CSMD1: variants seen among roughly 807,000 people sequenced by gnomAD.
The protein encoded by CSMD1 is CUB and Sushi multiple domains 1.
CSMD1 carries 213 observed loss-of-function variants against 417.5 expected under a neutral mutation model. The ratio of observed to expected loss-of-function variants is 0.51; its 90% CI spans 0.46 to 0.57. The LOEUF (loss-of-function observed/expected upper bound fraction) is 0.57. CSMD1 is among the 20% of genes least tolerant of loss of function. The pLI is 0.00. For synonymous variants in CSMD1, 2,862 were observed against 1,736.8 expected (o/e 1.65, Z -16.11); for missense variants, 6,923 against 4,529.7 (o/e 1.53, Z -15.17).
At chr8:3,584,003 G>C (rs1055714364) in intron 9 of CSMD1, among the ~76,000 whole-genome samples, 1 of 151,896 alleles carries the variant, frequency 6.6e-6, no homozygotes, top group African/African-American at 2.4e-5. Flanking sequence ...GTCAACACTA[G>C]TAAAACCCAT....
chr8:3,230,972 C>T (rs146463690), intron 26 of CSMD1, among the ~76,000 whole-genome samples: 1 of 152,126 alleles, frequency 6.6e-6, no homozygotes, highest in South Asian at 2.1e-4. Context: ...CTTATCATAT[C>T]AGTTTCTGGT....
chr8:3,987,888 A>G (rs941037901), intron 5 of CSMD1, among the ~76,000 whole-genome samples: 3 of 152,206 alleles, frequency 2.0e-5, no homozygotes, highest in African/African-American at 7.2e-5. Flanking sequence ...GGCACATTGC[A>G]ACATCTTCTA....
chr8:3,731,238 C>G (rs114604069), intron 6 of CSMD1, among the ~76,000 whole-genome samples: 2 of 152,174 alleles, frequency 1.3e-5, no homozygotes, highest in African/African-American at 4.8e-5. Context: ...CTTCCCCCAG[C>G]AAACAATGAC....
intron 5 of CSMD1, among the ~76,000 whole-genome samples, chr8:3,783,712 C>T (rs1394919779): frequency 6.6e-6 from 1 of 152,186 alleles, no homozygotes; most frequent in African/African-American, 2.4e-5. Context: ...CCCCTTTGCT[C>T]CTGAAAGGTC....
intron 57 of CSMD1, among the ~76,000 whole-genome samples, chr8:2,968,674 T>C (rs984497599): frequency 6.6e-6 from 1 of 152,046 alleles, no homozygotes; most frequent in African/African-American, 2.4e-5. Context: ...CGCTTTTCTA[T>C]CAATGCAATT....
At chr8:3,654,218 G>A (rs1354679451) in intron 7 of CSMD1, among the ~76,000 whole-genome samples, 2 of 152,164 alleles carry the variant, frequency 1.3e-5, no homozygotes, top group Non-Finnish European at 2.9e-5. Flanking sequence ...CAGTTTGACT[G>A]AATTGTATGT....
chr8:3,384,728 T>A (rs1227197936), intron 18 of CSMD1, among the ~76,000 whole-genome samples: 3 of 121,752 alleles, frequency 2.5e-5, no homozygotes, highest in Admixed American at 9.7e-5. Context: ...ATAATATTTA[T>A]ATATATTATA....
At chr8:4,278,321 T>A (rs948871936) in intron 3 of CSMD1, among the ~76,000 whole-genome samples, 1 of 152,176 alleles carries the variant, frequency 6.6e-6, no homozygotes, top group Non-Finnish European at 1.5e-5. Context: ...GTGCTGGTAA[T>A]CTACAAAATG....
chr8:3,564,093 A>G (rs13257567), intron 10 of CSMD1, among the ~76,000 whole-genome samples: 1 of 151,936 alleles, frequency 6.6e-6, no homozygotes, highest in Non-Finnish European at 1.5e-5. Context: ...TAATGACCAA[A>G]CAGTGTAACA....
At chr8:3,703,522 G>A (rs989603536) in intron 7 of CSMD1, among the ~76,000 whole-genome samples, 1 of 151,994 alleles carries the variant, frequency 6.6e-6, no homozygotes, top group Non-Finnish European at 1.5e-5. Flanking sequence ...GGGCTGTCAG[G>A]GGATGAGGAG....
At chr8:3,402,021 C>T (rs962120537) in intron 15 of CSMD1, among the ~76,000 whole-genome samples, 3 of 151,848 alleles carry the variant, frequency 2.0e-5, no homozygotes, top group Non-Finnish European at 4.4e-5. Flanking sequence ...CTAAAATACA[C>T]ACACACACAT....
chr8:3,059,861 G>A (rs1174468408), intron 49 of CSMD1, among the ~76,000 whole-genome samples: 3 of 152,120 alleles, frequency 2.0e-5, no homozygotes, highest in Admixed American at 6.6e-5. Flanking sequence ...GATAGACTGA[G>A]ATGCTAATTT....
At chr8:3,064,258 G>C (rs560290108) in intron 49 of CSMD1, among the ~76,000 whole-genome samples, 1 of 152,330 alleles carries the variant, frequency 6.6e-6, no homozygotes, top group South Asian at 2.1e-4. Context: ...CAAATCTCAT[G>C]TTGAATTGGC....
At chr8:2,957,444 T>C (rs911434605) in intron 63 of CSMD1, among the ~76,000 whole-genome samples, 2 of 152,104 alleles carry the variant, frequency 1.3e-5, no homozygotes, top group African/African-American at 4.8e-5. Context: ...CTGTCCCCCT[T>C]CTCTCCTCCC....
Position 3,469,653 on chromosome 8 carries a change from T to C in CSMD1, c.1449-829A>G, listed in dbSNP as rs905644152. Among the ~76,000 whole-genome samples the C allele has an allele frequency of 3.2e-4, 49 of 152,318 alleles. 1 individual carries two copies. Among genetic ancestry groups the C allele is most frequent in the African/African-American group, 1.2e-3 (48 of 41,570 alleles). On this transcript the variant is annotated intron_variant, in intron 11 of 69. Coordinates refer to ENST00000635120, the MANE Select transcript of CSMD1 (RefSeq NM_033225.6). Reference sequence around the variant, plus strand: ...AAATGTCCCTAATCAAATAGGAAGCTTGACTTTCAGCAAAGTAGTTTCAGG... The same window carrying C: ...AAATGTCCCTAATCAAATAGGAAGCCTGACTTTCAGCAAAGTAGTTTCAGG...
intron 4 of CSMD1, among the ~76,000 whole-genome samples, chr8:4,010,080 A>G (rs1170129757): frequency 6.6e-6 from 1 of 152,196 alleles, no homozygotes; most frequent in Non-Finnish European, 1.5e-5. Flanking sequence ...CCTACATTCC[A>G]ACTACTTCTG....
intron 1 of CSMD1, among the ~76,000 whole-genome samples, chr8:4,917,584 A>G (rs2117122841): frequency 6.6e-6 from 1 of 152,368 alleles, no homozygotes; most frequent in East Asian, 1.9e-4. Context: ...CAGTGAGCCG[A>G]GATCATGCCA....
chr8:3,576,344 T>A (rs1800150821), intron 9 of CSMD1, among the ~76,000 whole-genome samples: 1 of 144,910 alleles, frequency 6.9e-6, no homozygotes. Context: ...TAATCTGTAA[T>A]CTACTGTGAC....
chr8:4,483,974 G>T (rs187435577), intron 2 of CSMD1, among the ~76,000 whole-genome samples: 2 of 152,034 alleles, frequency 1.3e-5, no homozygotes, highest in Non-Finnish European at 2.9e-5. Context: ...CTGCGTTTTC[G>T]GAGAGAGCAC....
Sources: allele counts gnomAD v4.1 joint callset (sites outside exome capture counted in the v4.1 genomes callset), GRCh38; gene constraint gnomAD v4.1.1; transcripts MANE v1.5; gene names NCBI Gene and HGNC (gene_info 2026-07-23, HGNC 2026-07-21).